SPRN: variants seen among roughly 807,000 people sequenced by gnomAD.
The protein encoded by SPRN is hypothetical protein BC004409.
For missense variants in SPRN, 312 were observed against 241.4 expected (o/e 1.29, Z -1.94); for synonymous variants, 182 against 123.4 (o/e 1.48, Z -3.15).
chr10:133,421,971 C>G lies in SPRN; in HGVS notation c.*1255G>C, dbSNP rs992970511. On this transcript the variant is annotated 3_prime_UTR_variant, in exon 2 of 2. Coordinates refer to ENST00000685335, the MANE Select transcript of SPRN (RefSeq NM_001391974.1). ...CTGGAGAGCTAGAGAACGTGGCAGA[C>G]CCAAGACCTCTCAGTGCTGAGCCCA... The G allele has an allele frequency of 6.6e-6, 1 of 150,458 alleles. No homozygotes were observed. The highest frequency in any genetic ancestry group is 2.5e-5 in the African/African-American group (1 of 40,810). The allele number at this position is 150,458 out of a possible 1,614,324, so 9.3% of individuals were successfully genotyped here.
intron 1 of SPRN, among the ~76,000 whole-genome samples, 169 bp downstream of exon 1, chr10:133,424,304 C>G (rs1318682908): frequency 7.0e-6 from 1 of 142,942 alleles, no homozygotes; most frequent in African/African-American, 2.8e-5. Flanking sequence ...CGCGCGCGCC[C>G]GGCGCTCAAT....
At chr10:133,423,800 G>T in intron 1 of SPRN, 103 bp from the exon 2 acceptor site, 2 of 795,114 alleles carry the variant, frequency 2.5e-6, no homozygotes, top group Non-Finnish European at 3.6e-6. Context: ...TCTTTTGTGG[G>T]ATCAGGGTGC....
In SPRN at chr10:133,423,214, G is replaced by T; in HGVS notation, c.*12C>A. The stretch of plus-strand genomic sequence containing the variant: ...GCCGGGGGCCAGATGTGGTCCCCGA[G>T]CCCAGCCAGGCCTAGGGCCGCAGCA... On this transcript the variant is annotated 3_prime_UTR_variant, in exon 2 of 2. Coordinates refer to ENST00000685335, the MANE Select transcript of SPRN (RefSeq NM_001391974.1). The T allele has an allele frequency of 1.4e-6, 2 of 1,411,814 alleles. No homozygotes were observed. The highest frequency in any genetic ancestry group is 9.2e-7 in the Non-Finnish European group (1 of 1,081,978). The allele number at this position is 1,411,814 out of a possible 1,614,324, so 87.5% of individuals were successfully genotyped here.
rs1030405504 is a variant in SPRN, at chr10:133,423,595, T to G, written c.87A>C (p.Gly29=). Residue 29 remains glycine (G), a synonymous_variant, in exon 2 of 2, where the codon GGA becomes GGC. Transcript: ENST00000685335. ...CTCCCCGGGCACTGCCCCGCGCACC[T>G]CCGCGGCCGCCCTTGGCTGCGCCGC... ...CDSGAAKGGR[G]GARGSARGGV... is the part of the protein sequence containing the mutation. 15 of 1,503,120 alleles carry G rather than the reference T, an allele frequency of 1.0e-5. No individual in the cohort carries two copies. In the Admixed American group the frequency reaches 3.1e-4, roughly 32 times the overall value. 93.1% of individuals were successfully genotyped at this position (1,503,120 alleles called of 1,614,324 possible). A position where few individuals can be genotyped will look rare whatever the true frequency, so the allele number is the denominator to read the frequency against.
rs775963214 is a variant in SPRN at position 133,423,667 on chromosome 10, G to C, written c.15C>G (p.Pro5=). MNWA[P]ATCWALLLAA... ...CCAGTAGCAGAGCCCAGCACGTTGC[G>C]GGTGCCCAGTTCATCTTCGTGGGGC... The change falls in exon 2 of 2, where the codon CCC becomes CCG. Residue 5 remains proline, a synonymous_variant. Transcript: ENST00000685335. The C allele has an allele frequency of 1.3e-6, 2 of 1,579,916 alleles. No homozygotes were observed. The highest frequency in any genetic ancestry group is 1.7e-6 in the Non-Finnish European group (2 of 1,163,734).
At position 133,421,096 on chromosome 10, in the gene SPRN, T is replaced by C. The variant is rs891400711; in HGVS notation, c.*2130A>G. 1.3e-5 allele frequency: 2 copies of C among 152,420 alleles called. No homozygotes were observed. The highest frequency in any genetic ancestry group is 2.9e-5 in the Non-Finnish European group (2 of 68,220). 9.4% of individuals were successfully genotyped at this position (152,420 alleles called of 1,614,324 possible). On this transcript the variant is annotated 3_prime_UTR_variant, in exon 2 of 2. Transcript: ENST00000685335. ...AGCTCCGGCTGCCTCTTTGCGGTGG[T>C]GGCCTGACCGTCCCACAGCAGCCTC...
chr10:133,423,366 C>G lies in SPRN; in HGVS notation c.316G>C (p.Gly106Arg). 1 of 1,508,708 alleles carries G rather than the reference C, an allele frequency of 6.6e-7. No homozygotes were observed. The highest frequency in any genetic ancestry group is 8.8e-7 in the Non-Finnish European group (1 of 1,133,970). 93.5% of individuals were successfully genotyped at this position (1,508,708 alleles called of 1,614,324 possible). The change falls in exon 2 of 2, where the codon GGG (glycine) becomes CGG (arginine). Residue 106 changes from glycine to arginine, a missense_variant. Physicochemically the swap from Gly to Arg is moderately radical, Grantham distance 125. Transcript: ENST00000685335. ...CCTGTCCCGTTGCCTCCGGGCACCC[C>G]GTCCTCCTCGTCCTCCAGGCCGCGT... is the stretch of plus-strand genomic sequence containing the variant. ...GERGLEDEED[G>R]VPGGNGTGPG...
chr10:133,423,196 G>A lies in SPRN; in HGVS notation c.*30C>T. The A allele has an allele frequency of 1.4e-6, 2 of 1,382,288 alleles. No homozygotes were observed. The highest frequency in any genetic ancestry group is 1.9e-6 in the Non-Finnish European group (2 of 1,065,828). 85.6% of individuals were successfully genotyped at this position (1,382,288 alleles called of 1,614,324 possible). A position where few individuals can be genotyped will look rare whatever the true frequency, so the allele number is the denominator to read the frequency against. On this transcript the variant is annotated 3_prime_UTR_variant, in exon 2 of 2. Coordinates refer to ENST00000685335, the MANE Select transcript of SPRN (RefSeq NM_001391974.1). ...TCCTGGGGGATGGCGCGGGCCGGGGGCCAGATGTGGTCCCCGAGCCCAGCC... is the reference window on the plus strand; with the variant it reads ...TCCTGGGGGATGGCGCGGGCCGGGGACCAGATGTGGTCCCCGAGCCCAGCC...
At chr10:133,424,390 G>C (rs1167843310) in intron 1 of SPRN, 83 bp downstream of exon 1, 4 of 140,534 alleles carry the variant, frequency 2.8e-5, no homozygotes, top group Non-Finnish European at 4.6e-5. Context: ...GTCCAGACAC[G>C]GCTGTGCGGG....
At position 133,423,270 on chromosome 10, in the gene SPRN, C is replaced by T. The variant is rs1421953890; in HGVS notation, c.412G>A (p.Val138Met). 37 of 1,508,660 alleles carry T rather than the reference C, an allele frequency of 2.5e-5. No homozygotes were observed. The highest frequency in any genetic ancestry group is 2.9e-5 in the African/African-American group (2 of 69,726). 93.5% of individuals were successfully genotyped at this position (1,508,660 alleles called of 1,614,324 possible). Reference sequence around the variant, plus strand: ...AGGGCTCCGAGGGCGCCGCCCAGCACGAGACAGAGACGCGGGCCGCGCGTG... The same window carrying T: ...AGGGCTCCGAGGGCGCCGCCCAGCATGAGACAGAGACGCGGGCCGCGCGTG... Reference protein sequence around the residue: ...GPTRGPRLCLVLGGALGALGL... With the variant: ...GPTRGPRLCLMLGGALGALGL... Residue 138 changes from valine to methionine, a missense_variant, in exon 2 of 2, where the codon GTG becomes ATG. Physicochemically the swap from Val to Met is conservative, Grantham distance 21 (BLOSUM62 1). Transcript: ENST00000685335.
Position 133,422,932 on chromosome 10 carries a change from A to G in SPRN, c.*294T>C. 1 of 310,538 alleles carries G rather than the reference A, an allele frequency of 3.2e-6. No individual in the cohort carries two copies. Among genetic ancestry groups the G allele is most frequent in the Non-Finnish European group, 5.9e-6 (1 of 169,056 alleles). The allele number at this position is 310,538 out of a possible 1,614,324, so 19.2% of individuals were successfully genotyped here. Reference sequence around the variant, plus strand: ...GGCACCTCCCTTTGGGCGGCGATGGAGCGTGGCTGGGCGGTTGGTACAGGA... The same window carrying G: ...GGCACCTCCCTTTGGGCGGCGATGGGGCGTGGCTGGGCGGTTGGTACAGGA... On this transcript the variant is annotated 3_prime_UTR_variant, in exon 2 of 2. Transcript: ENST00000685335.
rs1199212759 is a variant in SPRN at position 133,423,100 on chromosome 10, C to G, written c.*126G>C. ...TGGATGGCGGGTCCACAGGGACAGC[C>G]AGCAGCTCCTGCACCCAGTGGGGCT... On this transcript the variant is annotated 3_prime_UTR_variant, in exon 2 of 2. Coordinates refer to ENST00000685335, the MANE Select transcript of SPRN (RefSeq NM_001391974.1). The G allele has an allele frequency of 9.8e-7, 1 of 1,024,220 alleles. No homozygotes were observed. The highest frequency in any genetic ancestry group is 1.4e-6 in the Non-Finnish European group (1 of 729,826). The allele number at this position is 1,024,220 out of a possible 1,614,324, so 63.4% of individuals were successfully genotyped here.
intron 1 of SPRN, 23 bp from the exon 2 acceptor site, chr10:133,423,720 C>T (rs764135623): frequency 1.1e-5 from 17 of 1,480,108 alleles, no homozygotes; most frequent in Non-Finnish European, 1.5e-5. Context: ...AGGGAAAGGG[C>T]CCTTAGTTTC....
chr10:133,423,115 C>A lies in SPRN; in HGVS notation c.*111G>T, dbSNP rs943638847. ...CAGGGACAGCCAGCAGCTCCTGCAC[C>A]CAGTGGGGCTCCAAGACCGTGGGCA... On this transcript the variant is annotated 3_prime_UTR_variant, in exon 2 of 2. Coordinates refer to ENST00000685335, the MANE Select transcript of SPRN (RefSeq NM_001391974.1). 1.7e-4 allele frequency: 198 copies of A among 1,132,214 alleles called. No individual in the cohort carries two copies. The highest frequency in any genetic ancestry group is 2.3e-4 in the Non-Finnish European group (194 of 833,862). The allele number at this position is 1,132,214 out of a possible 1,614,324, so 70.1% of individuals were successfully genotyped here. A position where few individuals can be genotyped will look rare whatever the true frequency, so the allele number is the denominator to read the frequency against.
Position 133,423,064 on chromosome 10 carries a change from G to A in SPRN, c.*162C>T. 2.7e-6 allele frequency: 2 copies of A among 747,646 alleles called. No individual in the cohort carries two copies. Among genetic ancestry groups the A allele is most frequent in the Non-Finnish European group, 4.2e-6 (2 of 476,258 alleles). The allele number at this position is 747,646 out of a possible 1,614,324, so 46.3% of individuals were successfully genotyped here. ...GGGAGGTGGCAGGCTGAGGCGGCGT[G>A]GGCAGGACGGTGGATGGCGGGTCCA... is the stretch of plus-strand genomic sequence containing the variant. On this transcript the variant is annotated 3_prime_UTR_variant, in exon 2 of 2. Coordinates refer to ENST00000685335, the MANE Select transcript of SPRN (RefSeq NM_001391974.1).
At position 133,422,700 on chromosome 10, in the gene SPRN, C is replaced by T. The variant is rs1271918619; in HGVS notation, c.*526G>A. On this transcript the variant is annotated 3_prime_UTR_variant, in exon 2 of 2. Coordinates refer to ENST00000685335, the MANE Select transcript of SPRN (RefSeq NM_001391974.1). ...TTCCTGGGCTGTGAGATCCACTCTTCTGGGCAGGTGGTTAGCACCTAACGT... is the reference window on the plus strand; with the variant it reads ...TTCCTGGGCTGTGAGATCCACTCTTTTGGGCAGGTGGTTAGCACCTAACGT... The T allele has an allele frequency of 6.6e-6, 1 of 152,432 alleles. No homozygotes were observed. Among genetic ancestry groups the T allele is most frequent in the Admixed American group, 6.5e-5 (1 of 15,288 alleles). 9.4% of individuals were successfully genotyped at this position (152,432 alleles called of 1,614,324 possible).
At position 133,420,861 on chromosome 10, in the gene SPRN, C is replaced by G. The variant is rs1319887470; in HGVS notation, c.*2365G>C. 6.6e-6 allele frequency: 1 copy of G among 152,392 alleles called. No individual in the cohort carries two copies. Among genetic ancestry groups the G allele is most frequent in the Non-Finnish European group, 1.5e-5 (1 of 68,158 alleles). The allele number at this position is 152,392 out of a possible 1,614,324, so 9.4% of individuals were successfully genotyped here. ...CCGCCCGGCATGGGCAGTAGAGACC[C>G]CTGGCCTCTGAGCACCTTCTAGCTC... On this transcript the variant is annotated 3_prime_UTR_variant, in exon 2 of 2. Coordinates refer to ENST00000685335, the MANE Select transcript of SPRN (RefSeq NM_001391974.1).
At position 133,423,448 on chromosome 10, in the gene SPRN, T is replaced by C. The variant is rs1224368839; in HGVS notation, c.234A>G (p.Gly78=). The C allele has an allele frequency of 3.8e-5, 47 of 1,234,064 alleles. No individual in the cohort carries two copies. The highest frequency in any genetic ancestry group is 4.4e-5 in the Non-Finnish European group (44 of 992,206). The allele number at this position is 1,234,064 out of a possible 1,614,324, so 76.4% of individuals were successfully genotyped here. A position where few individuals can be genotyped will look rare whatever the true frequency, so the allele number is the denominator to read the frequency against. ...AGCCCGCCGCCAGGCCCGCGGCCGC[T>C]CCCGCCGCCGCCCCGGCTGCCGCCC... ...AAGAAAGAAA[G]AAAGLAAGSG... is the part of the protein sequence containing the mutation. Residue 78 remains glycine, a synonymous_variant, in exon 2 of 2, where the codon GGA becomes GGG. Coordinates refer to ENST00000685335, the MANE Select transcript of SPRN (RefSeq NM_001391974.1).
Position 133,423,368 on chromosome 10 carries a change from T to C in SPRN, c.314A>G (p.Asp105Gly). 1.3e-6 allele frequency: 2 copies of C among 1,508,182 alleles called. No homozygotes were observed. The highest frequency in any genetic ancestry group is 1.8e-6 in the Non-Finnish European group (2 of 1,133,780). 93.4% of individuals were successfully genotyped at this position (1,508,182 alleles called of 1,614,324 possible). Residue 105 changes from aspartate to glycine, a missense_variant, in exon 2 of 2, where the codon GAC becomes GGC. Coordinates refer to ENST00000685335, the MANE Select transcript of SPRN (RefSeq NM_001391974.1). Reference protein sequence around the residue: ...PGERGLEDEEDGVPGGNGTGP... With the variant: ...PGERGLEDEEGGVPGGNGTGP... ...TGTCCCGTTGCCTCCGGGCACCCCG[T>C]CCTCCTCGTCCTCCAGGCCGCGTTC...
Sources: gnomAD v4.1 joint callset for allele counts (sites outside exome capture counted in the v4.1 genomes callset) on GRCh38, gnomAD v4.1.1 for gene constraint, MANE v1.5 for transcripts, NCBI Gene and HGNC (gene_info 2026-07-23, HGNC 2026-07-21) for gene names.